RBM45: variants seen among roughly 807,000 people sequenced by gnomAD.
RBM45 encodes the protein RNA-binding protein 45.
Under a neutral mutation model 58.5 loss-of-function variants are expected in RBM45, and 39 were observed. The ratio of observed to expected loss-of-function variants is 0.67; its 90% CI spans 0.52 to 0.87. The LOEUF is 0.87. RBM45 is among the 40% of genes least tolerant of loss of function. The probability of loss-of-function intolerance (pLI) is 0.00; values close to 1 mark genes in which losing one functional copy is unlikely to be tolerated. For missense variants in RBM45, 481 were observed against 581.6 expected (o/e 0.83, Z 1.78); for synonymous variants, 193 against 203.0 (o/e 0.95, Z 0.42).
chr2:178,115,446 A>G (rs1256376743), intron 1 of RBM45, among the ~76,000 whole-genome samples: 1 of 152,006 alleles, frequency 6.6e-6, no homozygotes, highest in Non-Finnish European at 1.5e-5. Flanking sequence ...TTTATTACTG[A>G]TATCAGCCAC....
intron 3 of RBM45, 78 bp from the exon 4 acceptor site, chr2:178,120,209 G>C (rs1404442059): frequency 6.4e-7 from 1 of 1,570,128 alleles, no homozygotes; most frequent in East Asian, 2.3e-5. Flanking sequence ...ATAAAGCTGA[G>C]TCAGGCACTA....
rs1340163655 is a variant in RBM45 at position 178,123,888 on chromosome 2, T to C, written c.1044T>C (p.Asn348=). 2.5e-6 allele frequency: 4 copies of C among 1,613,982 alleles called. No individual in the cohort carries two copies. Among genetic ancestry groups the C allele is most frequent in the Non-Finnish European group, 3.4e-6 (4 of 1,179,962 alleles). ...CACAGCTTGCATCAATGGTGTGGAATAACCCAAGTCAGCAACAATTTATGG... is the reference window on the plus strand; with the variant it reads ...CACAGCTTGCATCAATGGTGTGGAACAACCCAAGTCAGCAACAATTTATGG... ...VAAQLASMVW[N]NPSQQQFMQF... is the part of the protein sequence containing the mutation. The change falls in exon 7 of 10, where the codon AAT becomes AAC. Residue 348 remains asparagine (N), a synonymous_variant. Coordinates refer to ENST00000286070, the MANE Select transcript of RBM45 (RefSeq NM_152945.4).
At chr2:178,133,443 T>C (rs1280662352), downstream of RBM45, among the ~76,000 whole-genome samples, 7 of 152,200 alleles carry the variant, frequency 4.6e-5, no homozygotes, top group Non-Finnish European at 1.0e-4. Context: ...GAGATGTAAT[T>C]ATCATTGTCA....
chr2:178,123,856 G>GTAGC lies in RBM45; in HGVS notation c.1014_1017dup (p.Ala340SerfsTer11), dbSNP rs756492891. On this transcript the variant is annotated frameshift_variant, in exon 7 of 10. Coordinates refer to ENST00000286070, the MANE Select transcript of RBM45 (RefSeq NM_152945.4). LOFTEE classifies it high-confidence loss of function. ...CCTTAGAAAAATGGCAACACAGATG[G>GTAGC]TAGCTGCACAGCTTGCATCAATGGT... 6.2e-7 allele frequency: 1 copy of GTAGC among 1,613,954 alleles called. No homozygotes were observed. Among genetic ancestry groups the GTAGC allele is most frequent in the South Asian group, 1.1e-5 (1 of 91,052 alleles).
intron 4 of RBM45, 117 bp downstream of exon 4, chr2:178,120,526 T>A: frequency 1.1e-6 from 1 of 898,022 alleles, no homozygotes; most frequent in Non-Finnish European, 1.6e-6. Context: ...ATAAAAATCT[T>A]AAATGTAGTT....
chr2:178,118,243 T>G, intron 3 of RBM45, 62 bp downstream of exon 3: 7 of 1,462,208 alleles, frequency 4.8e-6, no homozygotes, highest in Non-Finnish European at 6.5e-6. Context: ...TCTAAATAGC[T>G]GAATTTAATA....
chr2:178,113,261 T>C (rs913926024), intron 1 of RBM45, among the ~76,000 whole-genome samples: 4 of 152,178 alleles, frequency 2.6e-5, no homozygotes, highest in African/African-American at 9.7e-5. Flanking sequence ...ACGGAAAAAC[T>C]CTACTTTTCC....
At chr2:178,129,108 G>A (rs77187337) in intron 9 of RBM45, among the ~76,000 whole-genome samples, 11,970 of 152,194 alleles carry the variant, frequency 0.079, 631 homozygotes, top group Middle Eastern at 0.12. Context: ...TTTGAGATGG[G>A]TCTGATAACC....
At chr2:178,123,730 A>C in intron 6 of RBM45, 79 bp downstream of exon 6, 1 of 1,587,542 alleles carries the variant, frequency 6.3e-7, no homozygotes, top group African/African-American at 1.4e-5. Flanking sequence ...AAAAATAGAA[A>C]CAATTGACCT....
chr2:178,129,024 G>A (rs951568383), intron 9 of RBM45, among the ~76,000 whole-genome samples: 14 of 152,116 alleles, frequency 9.2e-5, no homozygotes, highest in African/African-American at 3.4e-4. Context: ...ATGGGCCTGG[G>A]ATTAAGTGAG....
At chr2:178,129,226 A>C (rs2087975570) in intron 9 of RBM45, among the ~76,000 whole-genome samples, 171 bp from the exon 10 acceptor site, 1 of 152,250 alleles carries the variant, frequency 6.6e-6, no homozygotes, top group African/African-American at 2.4e-5. Flanking sequence ...CAGCACCTGC[A>C]TCGCCCTTCT....
At chr2:178,121,126 G>C in intron 4 of RBM45, 54 bp from the exon 5 acceptor site, 2 of 864,770 alleles carry the variant, frequency 2.3e-6, no homozygotes, top group Non-Finnish European at 3.6e-6. Context: ...AATGTTAAGC[G>C]AATTGTTGGC....
Position 178,127,379 on chromosome 2 carries a change from T to C in RBM45, c.*8+1195T>C, listed in dbSNP as rs140342898. ...TTTGAAGTTACTGGCTTGAAACCTT[T>C]ATTTTTTTCACTTAAGATTTTCTTT... On this transcript the variant is annotated intron_variant, in intron 9 of 9. Coordinates refer to ENST00000286070, the MANE Select transcript of RBM45 (RefSeq NM_152945.4). Among the ~76,000 whole-genome samples, 383 of 152,312 alleles carry C rather than the reference T, an allele frequency of 2.5e-3. 2 individuals carry two copies. The highest frequency in any genetic ancestry group is 8.5e-3 in the African/African-American group (353 of 41,570).
intron 9 of RBM45, among the ~76,000 whole-genome samples, chr2:178,128,945 T>C (rs1412274200): frequency 6.6e-6 from 1 of 152,156 alleles, no homozygotes; most frequent in Non-Finnish European, 1.5e-5. Context: ...CACTTTTTTG[T>C]TTGTTTCTTT....
At chr2:178,127,027 C>T (rs2087939828) in intron 9 of RBM45, among the ~76,000 whole-genome samples, 1 of 152,100 alleles carries the variant, frequency 6.6e-6, no homozygotes, top group South Asian at 2.1e-4. Flanking sequence ...ACCTCCACCT[C>T]CTGGATACAA....
intron 3 of RBM45, among the ~76,000 whole-genome samples, chr2:178,134,888 T>G (rs2088032884): frequency 1.4e-5 from 2 of 139,142 alleles, no homozygotes; most frequent in Non-Finnish European, 1.6e-5. Flanking sequence ...CTAAGGAGGC[T>G]GAGGCGAGAT....
chr2:178,114,983 T>G (rs1489505573), intron 1 of RBM45, among the ~76,000 whole-genome samples: 1 of 152,110 alleles, frequency 6.6e-6, no homozygotes, highest in African/African-American at 2.4e-5. Context: ...TCAGCTTCAA[T>G]ATTTCTATTG....
chr2:178,119,812 A>T (rs763320617), intron 3 of RBM45, among the ~76,000 whole-genome samples: 1 of 152,212 alleles, frequency 6.6e-6, no homozygotes, highest in Non-Finnish European at 1.5e-5. Context: ...AGAACCCTTG[A>T]TCCAGAAGCA....
intron 9 of RBM45, among the ~76,000 whole-genome samples, chr2:178,128,757 A>C (rs2087968943): frequency 6.6e-6 from 1 of 152,218 alleles, no homozygotes; most frequent in Non-Finnish European, 1.5e-5. Flanking sequence ...TTCTAATTGC[A>C]GCATGGCTTT....
Sources: allele counts gnomAD v4.1 joint callset (sites outside exome capture counted in the v4.1 genomes callset), GRCh38; gene constraint gnomAD v4.1.1; transcripts MANE v1.5; gene names NCBI Gene and HGNC (gene_info 2026-07-23, HGNC 2026-07-21).